EYS: variants seen among roughly 807,000 people sequenced by gnomAD.
The protein encoded by EYS is protein eyes shut homolog.
EYS carries 250 observed loss-of-function variants against 282.1 expected under a neutral mutation model. That is an observed-to-expected ratio of 0.89 (90% CI 0.80 to 0.98). The LOEUF (loss-of-function observed/expected upper bound fraction) is 0.98, where lower values mean the gene tolerates loss of function less well. EYS is among the 50% of genes least tolerant of loss of function. The pLI, the probability that EYS is intolerant of heterozygous loss-of-function variation, is 0.00. For synonymous variants in EYS, 1,355 were observed against 1,282.9 expected (o/e 1.06, Z -1.20); for missense variants, 4,016 against 3,709.0 (o/e 1.08, Z -2.15).
intron 31 of EYS, among the ~76,000 whole-genome samples, chr6:64,181,895 GT>G (rs1764797782): frequency 6.6e-6 from 1 of 152,074 alleles, no homozygotes; most frequent in Admixed American, 6.6e-5. Flanking sequence ...GTTGAAAAAG[GT>G]AAAGGACTTC....
intron 22 of EYS, among the ~76,000 whole-genome samples, chr6:64,741,942 CACG>C (rs1453339667): frequency 1.1e-4 from 17 of 152,270 alleles, no homozygotes; most frequent in Middle Eastern, 3.4e-3. Flanking sequence ...TTACTATTTA[CACG>C]TTCACTGGAG....
chr6:64,598,387 C>A (rs1162383), intron 24 of EYS, among the ~76,000 whole-genome samples: 3 of 152,010 alleles, frequency 2.0e-5, no homozygotes, highest in Non-Finnish European at 4.4e-5. Context: ...CGTGAACCTG[C>A]GAGGCGGAGC....
At chr6:64,274,481 G>GTTTTTTTTTTTTTTTTTTT (rs10640761) in intron 30 of EYS, among the ~76,000 whole-genome samples, 4 of 92,228 alleles carry the variant, frequency 4.3e-5, no homozygotes, top group African/African-American at 1.9e-4. Context: ...ACGCCTGGCC[G>GTTTTTTTTTTTTTTTTTTT]TTTTTTTTTT....
At chr6:64,725,191 T>C (rs1392223801) in intron 22 of EYS, among the ~76,000 whole-genome samples, 2 of 152,182 alleles carry the variant, frequency 1.3e-5, no homozygotes, top group Non-Finnish European at 2.9e-5. Context: ...ATATTAATAG[T>C]TCCCTTTGGA....
chr6:64,938,042 T>A (rs781235159), intron 15 of EYS, among the ~76,000 whole-genome samples: 5 of 151,668 alleles, frequency 3.3e-5, no homozygotes, highest in Non-Finnish European at 5.9e-5. Context: ...ATTGCATGAT[T>A]CCATTTATAT....
At chr6:64,472,930 T>C in intron 26 of EYS, among the ~76,000 whole-genome samples, 1 of 152,160 alleles carries the variant, frequency 6.6e-6, no homozygotes, top group East Asian at 1.9e-4. Flanking sequence ...TGAAAGACTG[T>C]ACTTTTACAA....
rs114576987 is a variant in EYS at position 64,331,112 on chromosome 6, G to A, written c.6079-24030C>T. 7.3e-3 allele frequency among the ~76,000 whole-genome samples: 1,118 copies of A among 152,218 alleles called. 9 individuals are homozygous for A. The highest frequency in any genetic ancestry group is 0.026 in the African/African-American group (1,073 of 41,536). On this transcript the variant is annotated intron_variant, in intron 29 of 42. Transcript: ENST00000503581. ...CCTGCCCTCTGCTGGTCGGAACTTC[G>A]GCCCAAAGAGCTGAGCTAATAGCTC... is the stretch of plus-strand genomic sequence containing the variant.
intron 1 of EYS, among the ~76,000 whole-genome samples, chr6:65,683,619 G>C: frequency 6.6e-6 from 1 of 151,994 alleles, no homozygotes; most frequent in East Asian, 1.9e-4. Flanking sequence ...AGATGAAGTA[G>C]TGGCTTGTAT....
intron 35 of EYS, among the ~76,000 whole-genome samples, chr6:63,899,793 T>G (rs1469262620): frequency 6.6e-6 from 1 of 152,236 alleles, no homozygotes; most frequent in Non-Finnish European, 1.5e-5. Flanking sequence ...ACTCATATGC[T>G]CTATATATCA....
Position 64,871,509 on chromosome 6 carries a change from T to C in EYS, c.2992+15188A>G, listed in dbSNP as rs534637379. Reference sequence around the variant, plus strand: ...TGCTATGTTTATATAACTTCCTAAATGAAATACAATACTTTTGGGATAAAA... The same window carrying C: ...TGCTATGTTTATATAACTTCCTAAACGAAATACAATACTTTTGGGATAAAA... On this transcript the variant is annotated intron_variant, in intron 19 of 42. Coordinates refer to ENST00000503581, the MANE Select transcript of EYS (RefSeq NM_001142800.2). Among the ~76,000 whole-genome samples the C allele has an allele frequency of 2.6e-5, 4 of 152,066 alleles. No individual in the cohort carries two copies. In the South Asian group the frequency reaches 6.2e-4, roughly 24 times the overall value.
At chr6:64,687,957 G>A (rs1770219754) in intron 22 of EYS, among the ~76,000 whole-genome samples, 1 of 152,104 alleles carries the variant, frequency 6.6e-6, no homozygotes, top group African/African-American at 2.4e-5. Context: ...TCTTTGCAGG[G>A]TGTATGTGTC....
At chr6:64,209,528 T>C (rs1199017167) in intron 31 of EYS, among the ~76,000 whole-genome samples, 1 of 152,176 alleles carries the variant, frequency 6.6e-6, no homozygotes, top group Non-Finnish European at 1.5e-5. Flanking sequence ...GGCCATGCAA[T>C]CTTAAATACC....
chr6:64,149,275 A>G (rs971188717), intron 31 of EYS, among the ~76,000 whole-genome samples: 1 of 152,220 alleles, frequency 6.6e-6, no homozygotes, highest in African/African-American at 2.4e-5. Flanking sequence ...TCTGAAAGCT[A>G]TAGCAGAAAC....
intron 1 of EYS, among the ~76,000 whole-genome samples, chr6:65,677,379 TA>T (rs1320137558): frequency 4.0e-5 from 6 of 151,786 alleles, no homozygotes; most frequent in African/African-American, 1.4e-4. Context: ...ATTTCCGGGA[TA>T]AAAAATCAAC....
Position 65,490,607 on chromosome 6 carries a change from A to G in EYS, c.849T>C (p.Asp283=). ...ITSNSFICEC[D]EQFSGPFCEV... is the part of the protein sequence containing the mutation. Reference sequence around the variant, plus strand: ...TGCATTTTTTACCTGAAAATTGCTCATCACATTCACAAATGAAACTATTTG... The same window carrying G: ...TGCATTTTTTACCTGAAAATTGCTCGTCACATTCACAAATGAAACTATTTG... The change falls in exon 5 of 43, where the codon GAT becomes GAC. Residue 283 remains aspartate (D), a synonymous_variant. Coordinates refer to ENST00000503581, the MANE Select transcript of EYS (RefSeq NM_001142800.2). 1 of 1,606,638 alleles carries G rather than the reference A, an allele frequency of 6.2e-7. No homozygotes were observed. Among genetic ancestry groups the G allele is most frequent in the Non-Finnish European group, 8.5e-7 (1 of 1,173,614 alleles).
At chr6:64,483,178 A>G (rs1776487512) in intron 26 of EYS, among the ~76,000 whole-genome samples, 1 of 151,600 alleles carries the variant, frequency 6.6e-6, no homozygotes, top group South Asian at 2.1e-4. Flanking sequence ...TAGTGTGAAA[A>G]GCCATGGACA....
At chr6:64,006,430 C>CAG (rs1010339237) in intron 33 of EYS, among the ~76,000 whole-genome samples, 14 of 152,062 alleles carry the variant, frequency 9.2e-5, no homozygotes, top group African/African-American at 3.4e-4. Context: ...CAATTGTCTG[C>CAG]AGAGAGAGAG....
chr6:63,937,150 G>C (rs1304256607), intron 35 of EYS, among the ~76,000 whole-genome samples: 1 of 151,986 alleles, frequency 6.6e-6, no homozygotes, highest in Non-Finnish European at 1.5e-5. Flanking sequence ...ACAATTGTAG[G>C]ATGCAAATGG....
chr6:64,200,346 T>C (rs1765425997), intron 31 of EYS, among the ~76,000 whole-genome samples: 1 of 152,156 alleles, frequency 6.6e-6, no homozygotes, highest in Non-Finnish European at 1.5e-5. Context: ...TTAACAATAG[T>C]ATATTCATAT....
Sources: gnomAD v4.1 joint callset for allele counts (sites outside exome capture counted in the v4.1 genomes callset) on GRCh38, gnomAD v4.1.1 for gene constraint, MANE v1.5 for transcripts, NCBI Gene and HGNC (gene_info 2026-07-23, HGNC 2026-07-21) for gene names.